HS6ST3: variants seen among roughly 807,000 people sequenced by gnomAD.
The protein encoded by HS6ST3 is heparan-sulfate 6-O-sulfotransferase 3.
A neutral mutation model predicts 36.7 loss-of-function variants in HS6ST3; 12 were observed. The ratio of observed to expected loss-of-function variants is 0.33; its 90% confidence interval spans 0.21 to 0.53. The LOEUF (loss-of-function observed/expected upper bound fraction) is 0.53, where lower values mean the gene tolerates loss of function less well. Ranked by LOEUF, HS6ST3 falls within the 20% of genes least tolerant of loss-of-function variation. HS6ST3 has a pLI of 0.95. For synonymous variants in HS6ST3, 240 were observed against 257.5 expected (o/e 0.93, Z 0.65); for missense variants, 584 against 640.9 (o/e 0.91, Z 0.96).
intron 1 of HS6ST3, among the ~76,000 whole-genome samples, chr13:96,569,173 A>T (rs1328087927): frequency 6.6e-6 from 1 of 152,206 alleles, no homozygotes; most frequent in Non-Finnish European, 1.5e-5. Context: ...TCCTGGCATC[A>T]TACTGAGCTT....
At chr13:96,623,737 ACCTTCC>A (rs2056502999) in intron 1 of HS6ST3, among the ~76,000 whole-genome samples, 1 of 152,110 alleles carries the variant, frequency 6.6e-6, no homozygotes, top group African/African-American at 2.4e-5. Flanking sequence ...GAGTGGTGTT[ACCTTCC>A]CCAGTGGTAT....
intron 1 of HS6ST3, among the ~76,000 whole-genome samples, chr13:96,639,847 G>C (rs984066664): frequency 1.3e-5 from 2 of 151,886 alleles, no homozygotes; most frequent in Non-Finnish European, 2.9e-5. Context: ...ATAGGATAAC[G>C]GTCACCAGCT....
At chr13:96,284,613 CT>C (rs2054791425) in intron 1 of HS6ST3, among the ~76,000 whole-genome samples, 1 of 152,184 alleles carries the variant, frequency 6.6e-6, no homozygotes, top group African/African-American at 2.4e-5. Flanking sequence ...AAATGTTAGT[CT>C]CCTTTGGCAA....
chr13:96,693,564 A>G (rs1875038290), intron 1 of HS6ST3, among the ~76,000 whole-genome samples: 2 of 152,164 alleles, frequency 1.3e-5, no homozygotes, highest in South Asian at 2.1e-4. Context: ...CGGCCTCCCA[A>G]AGTGCTGGAA....
At chr13:96,454,317 C>G (rs1285672810) in intron 1 of HS6ST3, among the ~76,000 whole-genome samples, 1 of 152,012 alleles carries the variant, frequency 6.6e-6, no homozygotes, top group African/African-American at 2.4e-5. Context: ...GAGACCTTTG[C>G]TTTTTCAATG....
intron 1 of HS6ST3, among the ~76,000 whole-genome samples, chr13:96,156,213 A>G (rs1225661629): frequency 6.6e-6 from 1 of 152,196 alleles, no homozygotes; most frequent in Non-Finnish European, 1.5e-5. Flanking sequence ...AAACTGAGAC[A>G]CAACAGAGAG....
At chr13:96,651,319 A>G (rs981870413) in intron 1 of HS6ST3, among the ~76,000 whole-genome samples, 2 of 152,040 alleles carry the variant, frequency 1.3e-5, no homozygotes, top group Admixed American at 6.6e-5. Flanking sequence ...ACTTCTGACT[A>G]CAGAAACTGT....
chr13:96,639,222 T>C (rs1572392), intron 1 of HS6ST3, among the ~76,000 whole-genome samples: 64,075 of 151,854 alleles, frequency 0.42, 13,804 homozygotes, highest in Non-Finnish European at 0.46. Flanking sequence ...GTTAGGTCCA[T>C]ATATGTTTAA....
rs141099116 is a variant in HS6ST3, at chr13:96,317,271, C to T, written c.707+225702C>T. Among the ~76,000 whole-genome samples, 97 of 147,938 alleles carry T rather than the reference C, an allele frequency of 6.6e-4. 2 individuals are homozygous for T. The highest frequency in any genetic ancestry group is 2.4e-3 in the African/African-American group (95 of 40,332). ...TTAGGATTATAGTCTCCAGCTCCTT[C>T]CATGTTGCAGCAAAGGACATGACTT... On this transcript the variant is annotated intron_variant, in intron 1 of 1. Coordinates refer to ENST00000376705, the MANE Select transcript of HS6ST3 (RefSeq NM_153456.4).
chr13:96,531,632 C>T (rs2056135714), intron 1 of HS6ST3, among the ~76,000 whole-genome samples: 1 of 152,198 alleles, frequency 6.6e-6, no homozygotes, highest in Admixed American at 6.5e-5. Flanking sequence ...TTCATTTCCT[C>T]ACCTGTGAAA....
intron 1 of HS6ST3, among the ~76,000 whole-genome samples, chr13:96,693,882 A>G (rs551059041): frequency 1.3e-5 from 2 of 152,296 alleles, no homozygotes; most frequent in African/African-American, 2.4e-5. Context: ...CCCTTAATTC[A>G]TATTTGCTGC....
At chr13:96,396,108 G>A (rs917727737) in intron 1 of HS6ST3, among the ~76,000 whole-genome samples, 3 of 152,084 alleles carry the variant, frequency 2.0e-5, no homozygotes, top group Non-Finnish European at 4.4e-5. Flanking sequence ...GAGGTGAGGA[G>A]TTCAAGACGA....
chr13:96,669,994 A>G (rs1055942269), intron 1 of HS6ST3, among the ~76,000 whole-genome samples: 2 of 152,146 alleles, frequency 1.3e-5, no homozygotes, highest in Non-Finnish European at 1.5e-5. Flanking sequence ...ATTATTTTTA[A>G]AGCCATGAAA....
intron 1 of HS6ST3, among the ~76,000 whole-genome samples, chr13:96,559,262 G>T (rs1466040827): frequency 6.6e-6 from 1 of 151,308 alleles, no homozygotes; most frequent in Non-Finnish European, 1.5e-5. Flanking sequence ...GACTATAGAC[G>T]CCCCCCCCAC....
chr13:96,092,778 A>G (rs1028252162), intron 1 of HS6ST3, among the ~76,000 whole-genome samples: 2 of 152,208 alleles, frequency 1.3e-5, no homozygotes, highest in Non-Finnish European at 2.9e-5. Context: ...TCCAAGAATG[A>G]GCAAAATTTC....
At chr13:96,406,036 A>G (rs1292121859) in intron 1 of HS6ST3, among the ~76,000 whole-genome samples, 1 of 152,206 alleles carries the variant, frequency 6.6e-6, no homozygotes, top group Non-Finnish European at 1.5e-5. Flanking sequence ...TGTGTGATTA[A>G]TGTAGTTTCC....
At chr13:96,207,856 A>T (rs1016277519) in intron 1 of HS6ST3, among the ~76,000 whole-genome samples, 3 of 152,176 alleles carry the variant, frequency 2.0e-5, no homozygotes, top group African/African-American at 7.2e-5. Context: ...AAGGGATAGC[A>T]TCAAGAAGAA....
chr13:96,754,055 G>A (rs1406258804), intron 1 of HS6ST3, among the ~76,000 whole-genome samples: 4 of 152,110 alleles, frequency 2.6e-5, no homozygotes, highest in African/African-American at 9.7e-5. Flanking sequence ...CTGACCTCAA[G>A]TGATCCACCT....
chr13:96,829,813 G>A (rs1241210761), intron 1 of HS6ST3, among the ~76,000 whole-genome samples: 1 of 152,122 alleles, frequency 6.6e-6, no homozygotes, highest in Non-Finnish European at 1.5e-5. Flanking sequence ...ACATACATGT[G>A]CATGTGTCTA....
Sources: allele counts gnomAD v4.1 joint callset (sites outside exome capture counted in the v4.1 genomes callset), GRCh38; gene constraint gnomAD v4.1.1; transcripts MANE v1.5; gene names NCBI Gene and HGNC (gene_info 2026-07-23, HGNC 2026-07-21).